The following LYG2 variants were observed in gnomAD, a reference collection of about 807,000 sequenced individuals.
The protein encoded by LYG2 is lysozyme g-like protein 2.
Under a neutral mutation model 22.4 loss-of-function variants are expected in LYG2, and 25 were observed. The ratio of observed to expected loss-of-function variants is 1.12; its 90% CI spans 0.81 to 1.56. The LOEUF is 1.56. Among genes scored for constraint, LYG2 ranks in the 40% most tolerant of loss-of-function variants. LYG2 has a pLI of 0.00. For synonymous variants in LYG2, 88 were observed against 97.0 expected, an observed-to-expected ratio of 0.91 and a Z score of 0.55; for missense variants, 266 against 269.5, an observed-to-expected ratio of 0.99 and a Z score of 0.09.
Position 99,254,284 on chromosome 2 carries a change from AC to A in LYG2, c.-25del. On this transcript the variant is annotated splice_region_variant and 5_prime_UTR_variant, in exon 3 of 7. The change creates a premature stop within an existing upstream ORF in the 5' untranslated region. Transcript: ENST00000333017. The stretch of plus-strand genomic sequence containing the variant: ...ATGGCGGGGAATCTTATCTTCCAGG[AC>A]CTGCTCTGATTTGAAATAGAAACTG... 6.2e-7 allele frequency: 1 copy of A among 1,611,938 alleles called. No individual in the cohort carries two copies. Among genetic ancestry groups the A allele is most frequent in the East Asian group, 2.2e-5 (1 of 44,864 alleles).
Position 99,246,688 on chromosome 2 carries a change from A to G in LYG2, c.176T>C (p.Met59Thr), listed in dbSNP as rs2094016559. The change falls in exon 4 of 7, where the codon ATG (methionine) becomes ACG (threonine). Residue 59 changes from methionine to threonine, a missense_variant. By Grantham distance (81) the Met-to-Thr change is moderately conservative. Coordinates refer to ENST00000333017, the MANE Select transcript of LYG2 (RefSeq NM_175735.4). ...CTCTGCTTTTCACTTACCGCAGTTC[A>G]TCACACTGTTTGCATCACAAGTGGC... ...SGATCDANSV[M>T]NCGIRGSEMF... is the part of the protein sequence containing the mutation. The G allele has an allele frequency of 1.2e-6, 2 of 1,613,226 alleles. No individual in the cohort carries two copies. The highest frequency in any genetic ancestry group is 4.5e-5 in the East Asian group (2 of 44,886).
intron 3 of LYG2, among the ~76,000 whole-genome samples, chr2:99,249,515 C>G (rs1219821436): frequency 6.6e-6 from 1 of 151,860 alleles, no homozygotes; most frequent in Non-Finnish European, 1.5e-5. Context: ...GTAATCCCAG[C>G]ACTTTGGGAG....
Position 99,250,187 on chromosome 2 carries a change from T to C in LYG2, c.44-3367A>G, listed in dbSNP as rs546116722. The stretch of plus-strand genomic sequence containing the variant: ...GTGGTCCCTTTTGCCTAGAATGCTA[T>C]TCCTCCTGGTATCTACATGATCATG... On this transcript the variant is annotated intron_variant, in intron 3 of 6. Coordinates refer to ENST00000333017, the MANE Select transcript of LYG2 (RefSeq NM_175735.4). Among the ~76,000 whole-genome samples the C allele has an allele frequency of 3.3e-5, 5 of 152,280 alleles. No homozygotes were observed. In the East Asian group the frequency reaches 9.6e-4, roughly 29 times the overall value.
intron 3 of LYG2, 140 bp downstream of exon 3, chr2:99,254,078 A>T: frequency 2.7e-6 from 2 of 748,960 alleles, no homozygotes; most frequent in Admixed American, 4.5e-5. Flanking sequence ...TAGAAATAAT[A>T]GTTGATTAAT....
upstream of LYG2, among the ~76,000 whole-genome samples, chr2:99,259,782 G>A (rs1051837796): frequency 9.2e-5 from 14 of 151,856 alleles, no homozygotes; most frequent in East Asian, 1.9e-3. Context: ...GTTTTTACAC[G>A]CTCTTTTAAA....
At chr2:99,247,464 GGGT>G (rs2094018199) in intron 3 of LYG2, among the ~76,000 whole-genome samples, 1 of 151,324 alleles carries the variant, frequency 6.6e-6, no homozygotes, top group Non-Finnish European at 1.5e-5. Context: ...AAGATTCAGG[GGGT>G]ACATGTGCAG....
intron 6 of LYG2, chr2:99,243,568 C>T: frequency 1.5e-6 from 2 of 1,354,118 alleles, no homozygotes; most frequent in Non-Finnish European, 2.0e-6. Flanking sequence ...TGGGGTCTCA[C>T]TCTGTCTCCC....
intron 3 of LYG2, among the ~76,000 whole-genome samples, chr2:99,248,780 CA>C (rs958552920): frequency 1.3e-5 from 2 of 149,510 alleles, no homozygotes; most frequent in South Asian, 2.1e-4. Flanking sequence ...AAATAAAATT[CA>C]AAAAAAACCA....
At position 99,245,289 on chromosome 2, in the gene LYG2, G is replaced by A. The variant is rs756938948; in HGVS notation, c.354C>T (p.His118=). The change falls in exon 5 of 7, where the codon CAC becomes CAT. Residue 118 remains histidine (H), a synonymous_variant. Coordinates refer to ENST00000333017, the MANE Select transcript of LYG2 (RefSeq NM_175735.4). ...GCATCAAGCCAAATTTAAGTCCCCT[G>A]TGGTCCCAGCCGTCTTGCAGGACAG... is the stretch of plus-strand genomic sequence containing the variant. ...GGSVLQDGWD[H]RGLKFGLMQL... The A allele has an allele frequency of 1.9e-6, 3 of 1,608,376 alleles. No homozygotes were observed. Among genetic ancestry groups the A allele is most frequent in the Admixed American group, 1.7e-5 (1 of 59,354 alleles).
chr2:99,250,377 T>TC (rs1472478273), intron 3 of LYG2, among the ~76,000 whole-genome samples: 1 of 149,356 alleles, frequency 6.7e-6, no homozygotes, highest in Non-Finnish European at 1.5e-5. Context: ...CCAACTCTTT[T>TC]TTTTTTTTTT....
At chr2:99,245,111 CAAA>C (rs5832869) in intron 5 of LYG2, 148 bp downstream of exon 5, 864 of 613,066 alleles carry the variant, frequency 1.4e-3, no homozygotes, top group South Asian at 2.8e-3. Context: ...AACTCCATCT[CAAA>C]AAAAAAAAAA....
intron 6 of LYG2, chr2:99,243,386 G>A (rs2094009685): frequency 6.5e-7 from 1 of 1,539,930 alleles, no homozygotes; most frequent in Non-Finnish European, 8.8e-7. Flanking sequence ...TGGATATATA[G>A]CACCTGAAGT....
upstream of LYG2, among the ~76,000 whole-genome samples, chr2:99,257,901 A>T (rs1183523328): frequency 1.3e-5 from 2 of 152,138 alleles, no homozygotes; most frequent in Non-Finnish European, 2.9e-5. Flanking sequence ...AAACTGAGGT[A>T]CTCTGTATAG....
At position 99,242,282 on chromosome 2, in the gene LYG2, T is replaced by C. The variant is rs1449046731; in HGVS notation, c.*82A>G. 2 of 645,850 alleles carry C rather than the reference T, an allele frequency of 3.1e-6. No homozygotes were observed. Among genetic ancestry groups the C allele is most frequent in the East Asian group, 5.5e-5 (2 of 36,168 alleles). The allele number at this position is 645,850 out of a possible 1,614,324, so 40.0% of individuals were successfully genotyped here. A position where few individuals can be genotyped will look rare whatever the true frequency, so the allele number is the denominator to read the frequency against. ...GATTTTAATCATTTCTTTGCCAGTG[T>C]TGTATACAACACATTCACGTAAAAC... On this transcript the variant is annotated 3_prime_UTR_variant, in exon 7 of 7. Transcript: ENST00000333017.
chr2:99,254,368 G>A, intron 2 of LYG2, 83 bp from the exon 3 acceptor site: 1 of 1,085,158 alleles, frequency 9.2e-7, no homozygotes, highest in South Asian at 1.4e-5. Flanking sequence ...ATTTTAAAAA[G>A]TTTAGAGTTA....
Position 99,242,393 on chromosome 2 carries a change from C to T in LYG2, c.610G>A (p.Ala204Thr). The T allele has an allele frequency of 6.2e-7, 1 of 1,613,426 alleles. No homozygotes were observed. The highest frequency in any genetic ancestry group is 1.1e-5 in the South Asian group (1 of 90,970). ...NDFVNDIIAR[A>T]KFYKRQSF ...AAGCTTTGTCTTTTATAGAACTTAGCTCGAGCAATGATATCATTGACGAAG... is the reference window on the plus strand; with the variant it reads ...AAGCTTTGTCTTTTATAGAACTTAGTTCGAGCAATGATATCATTGACGAAG... Residue 204 changes from alanine (A) to threonine (T), a missense_variant, in exon 7 of 7, where the codon GCT becomes ACT. Transcript: ENST00000333017.
chr2:99,257,385 T>C (rs534139690), upstream of LYG2, among the ~76,000 whole-genome samples: 126 of 152,338 alleles, frequency 8.3e-4, no homozygotes, highest in African/African-American at 2.9e-3. Context: ...TGTTACATTC[T>C]GAAGCCTAAC....
At chr2:99,245,597 G>C (rs988152885) in intron 4 of LYG2, 139 bp from the exon 5 acceptor site, 72 of 342,884 alleles carry the variant, frequency 2.1e-4, no homozygotes, top group African/African-American at 1.6e-3. Flanking sequence ...ATCATAGTGA[G>C]AGCCCATCTC....
At chr2:99,243,479 G>C in intron 6 of LYG2, 1 of 1,528,186 alleles carries the variant, frequency 6.5e-7, no homozygotes, top group East Asian at 2.5e-5. Context: ...AAACCTATGA[G>C]AGGTAGGCAA....
Sources: allele counts gnomAD v4.1 joint callset (sites outside exome capture counted in the v4.1 genomes callset), GRCh38; gene constraint gnomAD v4.1.1; transcripts MANE v1.5; gene names NCBI Gene and HGNC (gene_info 2026-07-23, HGNC 2026-07-21).